The following ESRRG variants were observed in gnomAD, a reference collection of about 807,000 sequenced individuals.
ESRRG encodes the protein estrogen related receptor gamma, also known as estrogen-related receptor gamma.
In ESRRG, 13 loss-of-function variants were observed where a neutral mutation model predicts 44.0. The observed-to-expected ratio is 0.30, with a 90% CI of 0.19 to 0.47. ESRRG has a LOEUF of 0.47. Among genes scored for constraint, ESRRG ranks in the 20% least tolerant of loss-of-function variants. The pLI is 1.00. For synonymous variants in ESRRG, 215 were observed against 214.6 expected (o/e 1.00, Z -0.02); for missense variants, 395 against 580.6 (o/e 0.68, Z 3.29).
In ESRRG at chr1:217,106,765, G is replaced by A. The variant is rs370057546; in HGVS notation, c.-230+30902C>T. 6.6e-5 allele frequency among the ~76,000 whole-genome samples: 10 copies of A among 152,228 alleles called. No homozygotes were observed. The East Asian group carries it at 1.9e-3, about 30-fold the overall frequency. ...AACCCTATCTCCAGCCTCTCTGCCT[G>A]TAACCTTGACAACCTCCTTTGCCTG... On this transcript the variant is annotated intron_variant, in intron 1 of 8. Transcript: ENST00000366940.
At chr1:216,940,648 T>C (rs937146630) in intron 1 of ESRRG, among the ~76,000 whole-genome samples, 2 of 152,150 alleles carry the variant, frequency 1.3e-5, no homozygotes, top group Non-Finnish European at 2.9e-5. Context: ...GTGGTAACTG[T>C]AGACTTTGGG....
At chr1:216,615,411 C>A (rs1470525279) in intron 3 of ESRRG, among the ~76,000 whole-genome samples, 2 of 152,174 alleles carry the variant, frequency 1.3e-5, no homozygotes, top group African/African-American at 4.8e-5. Context: ...TCACCCTGGT[C>A]TATTTCCTTA....
intron 1 of ESRRG, among the ~76,000 whole-genome samples, chr1:216,693,440 C>G (rs188841803): frequency 6.6e-6 from 1 of 152,108 alleles, no homozygotes; most frequent in Non-Finnish European, 1.5e-5. Context: ...TTTTAACATC[C>G]TTTTTAATGT....
intron 2 of ESRRG, among the ~76,000 whole-genome samples, chr1:216,760,260 TAA>T (rs200717004): frequency 6.5e-5 from 7 of 107,748 alleles, no homozygotes; most frequent in Admixed American, 1.7e-4. Flanking sequence ...TCATAACCAA[TAA>T]AAAAATCTCA....
chr1:216,530,151 T>C (rs1572379430), intron 5 of ESRRG, among the ~76,000 whole-genome samples: 1 of 138,126 alleles, frequency 7.2e-6, no homozygotes, highest in African/African-American at 2.7e-5. Flanking sequence ...GGGGAAAGAA[T>C]AGTAACTGCC....
rs1013062131 is a variant in ESRRG, at chr1:216,947,368, G to A, written c.-105-7695C>T. On this transcript the variant is annotated intron_variant, in intron 1 of 7. Transcript: ENST00000359162. Reference sequence around the variant, plus strand: ...GTATGCCCACATCTGTGGTTGATACGAATATATCATGTTGATGGTTTTTCA... The same window carrying A: ...GTATGCCCACATCTGTGGTTGATACAAATATATCATGTTGATGGTTTTTCA... Among the ~76,000 whole-genome samples, 5 of 152,200 alleles carry A rather than the reference G, an allele frequency of 3.3e-5. No homozygotes were observed. The South Asian group carries it at 8.3e-4, about 25-fold the overall frequency.
chr1:217,112,250 T>G (rs373127230), intron 1 of ESRRG, among the ~76,000 whole-genome samples: 1 of 152,186 alleles, frequency 6.6e-6, no homozygotes, highest in South Asian at 2.1e-4. Context: ...CACATAGCCA[T>G]GTATAACTAC....
intron 3 of ESRRG, among the ~76,000 whole-genome samples, chr1:216,575,417 G>A (rs576430799): frequency 6.6e-6 from 1 of 152,122 alleles, no homozygotes; most frequent in East Asian, 1.9e-4. Flanking sequence ...TCCCTACCAA[G>A]CAACGTCTTT....
At chr1:216,521,587 C>G (rs924405868) in intron 5 of ESRRG, among the ~76,000 whole-genome samples, 29 of 152,106 alleles carry the variant, frequency 1.9e-4, no homozygotes, top group Admixed American at 1.9e-3. Context: ...GCGTGTAGCC[C>G]GCAGCACCTT....
chr1:217,106,924 T>A (rs933863469), intron 1 of ESRRG, among the ~76,000 whole-genome samples: 1 of 152,192 alleles, frequency 6.6e-6, no homozygotes, highest in Non-Finnish European at 1.5e-5. Context: ...GATTTAAAAG[T>A]CAGTCTCCGG....
intron 2 of ESRRG, among the ~76,000 whole-genome samples, chr1:216,795,737 T>G (rs2094455014): frequency 6.6e-6 from 1 of 152,124 alleles, no homozygotes; most frequent in Non-Finnish European, 1.5e-5. Flanking sequence ...ATTAAGAAGG[T>G]AAAGATTGTG....
At chr1:216,757,220 A>G (rs2092500388) in intron 2 of ESRRG, among the ~76,000 whole-genome samples, 1 of 151,972 alleles carries the variant, frequency 6.6e-6, no homozygotes, top group African/African-American at 2.4e-5. Context: ...CTGGTTATTT[A>G]TAAGATATCT....
chr1:216,844,568 C>T (rs1270264438), intron 2 of ESRRG, among the ~76,000 whole-genome samples: 3 of 151,958 alleles, frequency 2.0e-5, no homozygotes, highest in Non-Finnish European at 4.4e-5. Context: ...GTGCACCACG[C>T]TCCTCCTCCA....
At chr1:216,590,930 C>T (rs964311097) in intron 3 of ESRRG, among the ~76,000 whole-genome samples, 5 of 152,044 alleles carry the variant, frequency 3.3e-5, no homozygotes, top group Admixed American at 6.6e-5. Flanking sequence ...CACAACCCTG[C>T]GATAAGGTGA....
intron 1 of ESRRG, among the ~76,000 whole-genome samples, chr1:216,962,260 T>G (rs1014504174): frequency 6.6e-6 from 1 of 152,218 alleles, no homozygotes; most frequent in Non-Finnish European, 1.5e-5. Flanking sequence ...TGTGAGACCC[T>G]GGCATTGCCT....
At chr1:216,736,057 T>A (rs1356548715) in intron 2 of ESRRG, among the ~76,000 whole-genome samples, 2 of 147,354 alleles carry the variant, frequency 1.4e-5, no homozygotes, top group Admixed American at 1.4e-4. Flanking sequence ...CACCTTCACT[T>A]GAGAAAGATG....
intron 2 of ESRRG, among the ~76,000 whole-genome samples, chr1:216,652,422 T>A (rs1304886842): frequency 1.3e-5 from 2 of 152,190 alleles, no homozygotes; most frequent in East Asian, 3.9e-4. Context: ...ACTCAGCAAC[T>A]GCTAATTCAA....
chr1:217,027,953 T>C (rs141419931), intron 1 of ESRRG, among the ~76,000 whole-genome samples: 131 of 152,314 alleles, frequency 8.6e-4, no homozygotes, highest in African/African-American at 3.0e-3. Flanking sequence ...TCTAAACTAA[T>C]GCCTTACTAA....
intron 1 of ESRRG, among the ~76,000 whole-genome samples, chr1:216,987,164 C>A (rs2075009162): frequency 6.6e-6 from 1 of 152,168 alleles, no homozygotes; most frequent in South Asian, 2.1e-4. Context: ...AGCTTTGTTA[C>A]ATTTAAAATT....
Sources: gnomAD v4.1 joint callset for allele counts (sites outside exome capture counted in the v4.1 genomes callset) on GRCh38, gnomAD v4.1.1 for gene constraint, MANE v1.5 for transcripts, NCBI Gene and HGNC (gene_info 2026-07-23, HGNC 2026-07-21) for gene names.